Variants in SMIM5 observed in about 807,000 individuals in gnomAD.
SMIM5 encodes small integral membrane protein 5, also known as chromosome 17 open reading frame 109.
Under a neutral mutation model 4.0 loss-of-function variants are expected in SMIM5, and 4 were observed. That is an observed-to-expected ratio of 1.01 (90% CI 0.50 to 2.30). The LOEUF (loss-of-function observed/expected upper bound fraction) is 2.30, where lower values mean the gene tolerates loss of function less well. SMIM5 is among the 30% of genes most tolerant of loss of function. SMIM5 has a pLI of 0.02. For missense variants in SMIM5, 107 were observed against 99.2 expected, an observed-to-expected ratio of 1.08 and a Z score of -0.34; for synonymous variants, 46 against 43.6, an observed-to-expected ratio of 1.05 and a Z score of -0.22.
Position 75,636,001 on chromosome 17 carries a change from C to T in SMIM5, c.-37+1799C>T, listed in dbSNP as rs2059314918. Among the ~76,000 whole-genome samples, 1 of 152,246 alleles carries T rather than the reference C, an allele frequency of 6.6e-6. No homozygotes were observed. The highest frequency in any genetic ancestry group is 2.4e-5 in the African/African-American group (1 of 41,468). On this transcript the variant is annotated intron_variant, in intron 1 of 2. Coordinates refer to ENST00000375215, the MANE Select transcript of SMIM5 (RefSeq NM_001162995.3). The surrounding 1 kb of genome is among the most constrained non-coding windows in gnomAD (Gnocchi z 5.4). ...ACATAAAGGAATGCTTCCCATCCCT[C>T]CGGCTCTGCCAGCCTTCTCTGCCCT... is the stretch of plus-strand genomic sequence containing the variant.
intron 1 of SMIM5, among the ~76,000 whole-genome samples, chr17:75,634,792 G>T (rs973405964): frequency 1.3e-5 from 2 of 152,242 alleles, no homozygotes; most frequent in African/African-American, 4.8e-5. Context: ...CTCTGGTGAT[G>T]AGCCTTGAAC....
In SMIM5 at chr17:75,633,752, CCCT is replaced by C; in HGVS notation, c.-484_-482del. The C allele has an allele frequency of 1.9e-6, 2 of 1,041,920 alleles. No individual in the cohort carries two copies. Among genetic ancestry groups the C allele is most frequent in the Non-Finnish European group, 2.3e-6 (2 of 860,888 alleles). The allele number at this position is 1,041,920 out of a possible 1,614,324, so 64.5% of individuals were successfully genotyped here. A position where few individuals can be genotyped will look rare whatever the true frequency, so the allele number is the denominator to read the frequency against. ...CAGACCTGAGAGCGCTGCAGGACTC[CCCT>C]CCACAGGCTCAGGTGGAGCCTCCCC... On this transcript the variant is annotated 5_prime_UTR_variant, in exon 1 of 3. Transcript: ENST00000375215.
Position 75,640,903 on chromosome 17 carries a change from G to C in SMIM5, c.*6G>C, listed in dbSNP as rs761285592. On this transcript the variant is annotated 3_prime_UTR_variant, in exon 3 of 3. Coordinates refer to ENST00000375215, the MANE Select transcript of SMIM5 (RefSeq NM_001162995.3). This position sits in a 1 kb window ranked among gnomAD's most constrained non-coding sequence, Gnocchi z 4.6. ...TGCAGCCGACACCACCATGACGGACGGGCGATGGCTGAGGAGAAGCTGGAG... is the reference window on the plus strand; with the variant it reads ...TGCAGCCGACACCACCATGACGGACCGGCGATGGCTGAGGAGAAGCTGGAG... 2 of 1,542,472 alleles carry C rather than the reference G, an allele frequency of 1.3e-6. No homozygotes were observed. Among genetic ancestry groups the C allele is most frequent in the African/African-American group, 2.7e-5 (2 of 73,180 alleles).
rs568587045 is a variant in SMIM5, at chr17:75,641,015, T to C, written c.*118T>C. ...GACCAGGCTCCCCTGGCCCCAGCTC[T>C]GGCCCAGCCCAGGTACCTGGACACT... On this transcript the variant is annotated 3_prime_UTR_variant, in exon 3 of 3. Transcript: ENST00000375215. The C allele has an allele frequency of 1.7e-4, 244 of 1,467,498 alleles. No homozygotes were observed. Among genetic ancestry groups the C allele is most frequent in the Non-Finnish European group, 1.8e-4 (204 of 1,104,634 alleles). The allele number at this position is 1,467,498 out of a possible 1,614,324, so 90.9% of individuals were successfully genotyped here.
chr17:75,641,196 G>A lies in SMIM5; in HGVS notation c.*299G>A. Reference sequence around the variant, plus strand: ...CTGCACTTTTTAACAAAACAAGGAAGTAGGGGTCCCCATACCTTGATGGAG... The same window carrying A: ...CTGCACTTTTTAACAAAACAAGGAAATAGGGGTCCCCATACCTTGATGGAG... On this transcript the variant is annotated 3_prime_UTR_variant, in exon 3 of 3. Transcript: ENST00000375215. 2.8e-6 allele frequency: 1 copy of A among 354,780 alleles called. No homozygotes were observed. Among genetic ancestry groups the A allele is most frequent in the Non-Finnish European group, 5.3e-6 (1 of 188,024 alleles). 22.0% of individuals were successfully genotyped at this position (354,780 alleles called of 1,614,324 possible).
At chr17:75,635,053 T>C (rs1847193207) in intron 1 of SMIM5, among the ~76,000 whole-genome samples, 2 of 152,276 alleles carry the variant, frequency 1.3e-5, no homozygotes, top group South Asian at 4.1e-4. Flanking sequence ...CGCCCTGTCC[T>C]CAAGCCAGCG....
At chr17:75,638,888 T>A (rs938456530) in intron 1 of SMIM5, 2 of 152,294 alleles carry the variant, frequency 1.3e-5, no homozygotes, top group African/African-American at 4.8e-5. Context: ...CCGGCTGCCA[T>A]CTTGCTCCTG....
In SMIM5 at chr17:75,633,721, G is replaced by A; in HGVS notation, c.-518G>A. On this transcript the variant is annotated 5_prime_UTR_variant, in exon 1 of 3. The change creates a new upstream start codon in the 5' untranslated region. Transcript: ENST00000375215. ...GGTGGCCTTCCTGAGGGCAGGGTGG[G>A]TGCCCCAGACCTGAGAGCGCTGCAG... 1.8e-6 allele frequency: 2 copies of A among 1,118,048 alleles called. No individual in the cohort carries two copies. The highest frequency in any genetic ancestry group is 2.2e-6 in the Non-Finnish European group (2 of 903,826). 69.3% of individuals were successfully genotyped at this position (1,118,048 alleles called of 1,614,324 possible).
At chr17:75,639,669 G>C (rs1164767125) in intron 1 of SMIM5, 1 of 152,770 alleles carries the variant, frequency 6.5e-6, no homozygotes, top group Non-Finnish European at 1.5e-5. Flanking sequence ...AGGTTGGGGG[G>C]CCTGGGGGAC....
rs1028508278 is a variant in SMIM5, at chr17:75,633,924, G to A, written c.-315G>A. On this transcript the variant is annotated 5_prime_UTR_variant, in exon 1 of 3. Transcript: ENST00000375215. ...GGAGCTTGTCTTGTCCCTGAGCAGC[G>A]CTCTCAGGGCAGAGGTGAGGCACCG... 5.9e-5 allele frequency: 58 copies of A among 986,646 alleles called. No individual in the cohort carries two copies. Among genetic ancestry groups the A allele is most frequent in the African/African-American group, 1.0e-4 (6 of 57,232 alleles). 61.1% of individuals were successfully genotyped at this position (986,646 alleles called of 1,614,324 possible). A position where few individuals can be genotyped will look rare whatever the true frequency, so the allele number is the denominator to read the frequency against.
Position 75,640,779 on chromosome 17 carries a change from C to A in SMIM5, c.128-12C>A, listed in dbSNP as rs1290328732. ...CCCAACCTGAGTCCCGTGCTCTCTC[C>A]CGGCCCTCCAGCTACTGTTCTGCTG... is the stretch of plus-strand genomic sequence containing the variant. On this transcript the variant is annotated splice_polypyrimidine_tract_variant and intron_variant, in intron 2 of 2. Coordinates refer to ENST00000375215, the MANE Select transcript of SMIM5 (RefSeq NM_001162995.3). The surrounding 1 kb of genome is among the most constrained non-coding windows in gnomAD (Gnocchi z 4.6). 6.5e-7 allele frequency: 1 copy of A among 1,549,366 alleles called. No individual in the cohort carries two copies. The highest frequency in any genetic ancestry group is 8.7e-7 in the Non-Finnish European group (1 of 1,146,242).
rs1050262532 is a variant in SMIM5, at chr17:75,640,400, G to C, written c.127+72G>C. ...AGAGACCACACCATGGTGCCAGCCA[G>C]AGGGCTGGCAGAGGTGGCGGGTGTC... On this transcript the variant is annotated intron_variant, in intron 2 of 2. Coordinates refer to ENST00000375215, the MANE Select transcript of SMIM5 (RefSeq NM_001162995.3). The surrounding 1 kb of genome is among the most constrained non-coding windows in gnomAD (Gnocchi z 4.6). 4.1e-6 allele frequency: 6 copies of C among 1,458,830 alleles called. No homozygotes were observed. Among genetic ancestry groups the C allele is most frequent in the East Asian group, 5.0e-5 (2 of 39,738 alleles). 90.4% of individuals were successfully genotyped at this position (1,458,830 alleles called of 1,614,324 possible). A position where few individuals can be genotyped will look rare whatever the true frequency, so the allele number is the denominator to read the frequency against.
rs1189801996 is a variant in SMIM5 at position 75,636,391 on chromosome 17, G to A, written c.-37+2189G>A. On this transcript the variant is annotated intron_variant, in intron 1 of 2. Coordinates refer to ENST00000375215, the MANE Select transcript of SMIM5 (RefSeq NM_001162995.3). The surrounding 1 kb of genome is among the most constrained non-coding windows in gnomAD (Gnocchi z 5.4). ...GAGATAGAAAGACGGGAAAAATATG[G>A]GATCATCAGTAGCCCTCCTGGGCTT... is the stretch of plus-strand genomic sequence containing the variant. Among the ~76,000 whole-genome samples the A allele has an allele frequency of 1.3e-5, 2 of 152,194 alleles. No homozygotes were observed. Among genetic ancestry groups the A allele is most frequent in the African/African-American group, 4.8e-5 (2 of 41,442 alleles).
At chr17:75,639,391 A>G (rs577658931) in intron 1 of SMIM5, 7 of 152,352 alleles carry the variant, frequency 4.6e-5, no homozygotes, top group Admixed American at 1.3e-4. Flanking sequence ...CAGAAGGGGA[A>G]AGCCTTCTGG....
intron 1 of SMIM5, 158 bp downstream of exon 1, chr17:75,634,360 C>A (rs2059278946): frequency 1.8e-6 from 1 of 558,086 alleles, no homozygotes; most frequent in South Asian, 7.9e-5. Flanking sequence ...GCCTCCTGCA[C>A]ACACCTGCAC....
chr17:75,635,099 C>A (rs2059294210), intron 1 of SMIM5, among the ~76,000 whole-genome samples: 1 of 152,210 alleles, frequency 6.6e-6, no homozygotes, highest in African/African-American at 2.4e-5. Context: ...TTCCTCAAAG[C>A]AAACAAGCTG....
chr17:75,640,963 C>T lies in SMIM5; in HGVS notation c.*66C>T. On this transcript the variant is annotated 3_prime_UTR_variant, in exon 3 of 3. Transcript: ENST00000375215. The surrounding 1 kb of genome is among the most constrained non-coding windows in gnomAD (Gnocchi z 4.6). ...CCAATGCCATGACACAGGCCATCAG[C>T]CTGGCCCTGCAGCCCTTACCCCTCA... 1 of 1,523,212 alleles carries T rather than the reference C, an allele frequency of 6.6e-7. No individual in the cohort carries two copies. 94.4% of individuals were successfully genotyped at this position (1,523,212 alleles called of 1,614,324 possible). A position where few individuals can be genotyped will look rare whatever the true frequency, so the allele number is the denominator to read the frequency against.
In SMIM5 at chr17:75,640,428, C is replaced by A. The variant is rs2059414396; in HGVS notation, c.127+100C>A. ...GGCTGGCAGAGGTGGCGGGTGTCTG[C>A]CGGATCAAGGAGGAAAACCAGTTGT... On this transcript the variant is annotated intron_variant, in intron 2 of 2. Transcript: ENST00000375215. The surrounding 1 kb of genome is among the most constrained non-coding windows in gnomAD (Gnocchi z 4.6). 1 of 1,438,022 alleles carries A rather than the reference C, an allele frequency of 7.0e-7. No homozygotes were observed. The highest frequency in any genetic ancestry group is 1.5e-5 in the South Asian group (1 of 67,144). The allele number at this position is 1,438,022 out of a possible 1,614,324, so 89.1% of individuals were successfully genotyped here.
At chr17:75,634,722 G>A (rs1447431362) in intron 1 of SMIM5, among the ~76,000 whole-genome samples, 2 of 152,166 alleles carry the variant, frequency 1.3e-5, no homozygotes, top group Non-Finnish European at 2.9e-5. Context: ...CTCAGCTCAC[G>A]GCTCAGCCTG....
Sources: allele counts gnomAD v4.1 joint callset (sites outside exome capture counted in the v4.1 genomes callset), GRCh38; gene constraint gnomAD v4.1.1; non-coding constraint Gnocchi (gnomAD v3.1); transcripts MANE v1.5; gene names NCBI Gene and HGNC (gene_info 2026-07-23, HGNC 2026-07-21).